The following CYSLTR1 variants were observed in gnomAD, a reference collection of about 807,000 sequenced individuals.
CYSLTR1 encodes the protein cysteinyl leukotriene receptor 1.
Under a neutral mutation model 2.1 loss-of-function variants are expected in CYSLTR1, and 1 was observed. The observed-to-expected ratio is 0.48, with a 90% CI of 0.17 to 2.28. CYSLTR1 has a LOEUF of 2.28. Among genes scored for constraint, CYSLTR1 ranks in the 30% most tolerant of loss-of-function variants. The probability of loss-of-function intolerance (pLI) is 0.26; values close to 1 mark genes in which losing one functional copy is unlikely to be tolerated. For missense variants in CYSLTR1, 299 were observed against 250.1 expected (o/e 1.20, Z -1.32); for synonymous variants, 110 against 89.6 (o/e 1.23, Z -1.28).
In CYSLTR1 at chrX:78,317,864, A is replaced by G. The variant is rs763426206; in HGVS notation, c.-115+9441T>C. On this transcript the variant is annotated intron_variant, in intron 1 of 2. Transcript: ENST00000373304. ...GGGAGTGAGGGCTAAAAGACTACAC[A>G]TTGCGTACAGTGTACACTGCCTGGG... Among the ~76,000 whole-genome samples the G allele has an allele frequency of 1.1e-3, 122 of 112,018 alleles. 1 individual carries two copies. Among genetic ancestry groups the G allele is most frequent in the South Asian group, 5.5e-3 (15 of 2,732 alleles).
At chrX:78,282,751 C>T (rs1043187130) in intron 2 of CYSLTR1, among the ~76,000 whole-genome samples, 4 of 111,146 alleles carry the variant, frequency 3.6e-5, no homozygotes, top group African/African-American at 1.3e-4. Flanking sequence ...ATAAAAAATC[C>T]CACCCATATC....
At chrX:78,283,669 A>G (rs1433323176) in intron 1 of CYSLTR1, 129 bp from the exon 2 acceptor site, 2 of 112,239 alleles carry the variant, frequency 1.8e-5, no homozygotes, top group African/African-American at 6.5e-5. Flanking sequence ...TGACAGATTT[A>G]GGGCTAGTCA....
intron 2 of CYSLTR1, among the ~76,000 whole-genome samples, chrX:78,279,011 G>A (rs1921723819): frequency 8.9e-6 from 1 of 111,811 alleles, no homozygotes; most frequent in Non-Finnish European, 1.9e-5. Context: ...GAAAGCCTAC[G>A]AGAAAACTTA....
At chrX:78,279,513 T>C (rs151137904) in intron 2 of CYSLTR1, among the ~76,000 whole-genome samples, 1,847 of 112,324 alleles carry the variant, frequency 0.016, 115 homozygotes, top group Admixed American at 0.14. Context: ...TGTGAGTTAG[T>C]TCAGCTACTG....
At chrX:78,311,985 A>G (rs796693986) in intron 1 of CYSLTR1, among the ~76,000 whole-genome samples, 1 of 112,076 alleles carries the variant, frequency 8.9e-6, no homozygotes, top group South Asian at 3.7e-4. Flanking sequence ...ATGAATTCTA[A>G]AAATTCATAT....
chrX:78,307,179 C>T (rs1274319589), intron 1 of CYSLTR1, among the ~76,000 whole-genome samples: 1 of 111,887 alleles, frequency 8.9e-6, no homozygotes, highest in Admixed American at 9.4e-5. Context: ...TAGTTAAAAA[C>T]TGGGTCTTCT....
rs183990295 is a variant in CYSLTR1, at chrX:78,312,701, C to A, written c.-115+14604G>T. Among the ~76,000 whole-genome samples the A allele has an allele frequency of 3.9e-3, 432 of 112,027 alleles. 1 individual carries two copies. The highest frequency in any genetic ancestry group is 0.013 in the African/African-American group (415 of 30,883). ...TAAAAGAAGATGTACAAGCAACCAA[C>A]AAACATAAAAAATACTCAACATCAC... On this transcript the variant is annotated intron_variant, in intron 1 of 2. Transcript: ENST00000373304.
chrX:78,304,423 C>T (rs964670377), intron 1 of CYSLTR1, among the ~76,000 whole-genome samples: 4 of 110,998 alleles, frequency 3.6e-5, no homozygotes, highest in African/African-American at 9.8e-5. Context: ...CTCAGACCTC[C>T]GTAATAACTA....
At chrX:78,293,564 G>A (rs746553982) in intron 1 of CYSLTR1, among the ~76,000 whole-genome samples, 5 of 111,861 alleles carry the variant, frequency 4.5e-5, no homozygotes, top group African/African-American at 1.6e-4. Context: ...ATAATACCCC[G>A]AAGAGTGTTT....
chrX:78,298,161 T>G (rs1025074223), intron 1 of CYSLTR1, among the ~76,000 whole-genome samples: 1 of 111,647 alleles, frequency 9.0e-6, no homozygotes, highest in Non-Finnish European at 1.9e-5. Context: ...TATTGTTTAA[T>G]TTCCATGTAT....
At chrX:78,296,381 G>C (rs1309457174) in intron 1 of CYSLTR1, among the ~76,000 whole-genome samples, 1 of 111,440 alleles carries the variant, frequency 9.0e-6, no homozygotes, top group African/African-American at 3.3e-5. Flanking sequence ...GCTATTCTGG[G>C]TCTGTTGTGT....
In CYSLTR1 at chrX:78,299,088, A is replaced by G. The variant is rs771386186; in HGVS notation, c.-114-15548T>C. Among the ~76,000 whole-genome samples the G allele has an allele frequency of 1.3e-4, 14 of 111,550 alleles. No homozygotes were observed. The South Asian group carries it at 5.2e-3, about 41-fold the overall frequency. Reference sequence around the variant, plus strand: ...TGAGGCCTGTAAATACTATCTTATAATTTATTATTTCAACCTGATAAAAAC... The same window carrying G: ...TGAGGCCTGTAAATACTATCTTATAGTTTATTATTTCAACCTGATAAAAAC... On this transcript the variant is annotated intron_variant, in intron 1 of 2. Transcript: ENST00000373304.
At chrX:78,306,274 C>T (rs763837350) in intron 1 of CYSLTR1, among the ~76,000 whole-genome samples, 2 of 110,849 alleles carry the variant, frequency 1.8e-5, no homozygotes, top group South Asian at 7.7e-4. Flanking sequence ...AGCAATTCTT[C>T]TGCCTCAGCC....
At chrX:78,281,428 G>A (rs1007032824) in intron 2 of CYSLTR1, among the ~76,000 whole-genome samples, 6 of 110,027 alleles carry the variant, frequency 5.5e-5, no homozygotes, top group Admixed American at 3.9e-4. Flanking sequence ...GTGCCATCAC[G>A]CCCAGCTAAT....
At chrX:78,288,077 C>T (rs1386942082) in intron 1 of CYSLTR1, among the ~76,000 whole-genome samples, 2 of 110,327 alleles carry the variant, frequency 1.8e-5, no homozygotes, top group Non-Finnish European at 3.8e-5. Context: ...CAGCATAGTG[C>T]CTGTAGTCCT....
intron 1 of CYSLTR1, chrX:78,319,285 C>A (rs1434767587): frequency 1.3e-5 from 1 of 75,222 alleles, no homozygotes; most frequent in African/African-American, 5.4e-5. Context: ...CCACAACAGG[C>A]CCCAGTGTGT....
chrX:78,290,485 TC>T (rs994693014), intron 1 of CYSLTR1, among the ~76,000 whole-genome samples: 3 of 112,014 alleles, frequency 2.7e-5, no homozygotes, highest in African/African-American at 9.7e-5. Flanking sequence ...GTAGTTTTTT[TC>T]CAATTCTGTG....
chrX:78,302,657 C>T (rs1922867091), intron 1 of CYSLTR1, among the ~76,000 whole-genome samples: 1 of 110,658 alleles, frequency 9.0e-6, no homozygotes, highest in African/African-American at 3.3e-5. Context: ...AGGATTGGGT[C>T]CTTCCATTCA....
chrX:78,310,500 C>A (rs1923176481), intron 1 of CYSLTR1, among the ~76,000 whole-genome samples: 2 of 112,236 alleles, frequency 1.8e-5, no homozygotes, highest in South Asian at 7.3e-4. Flanking sequence ...GGATTAGCCA[C>A]TTAATATGTA....
Sources: gnomAD v4.1 joint callset for allele counts (sites outside exome capture counted in the v4.1 genomes callset) on GRCh38, gnomAD v4.1.1 for gene constraint, MANE v1.5 for transcripts, NCBI Gene and HGNC (gene_info 2026-07-23, HGNC 2026-07-21) for gene names.